HEBP1: variants seen among roughly 807,000 people sequenced by gnomAD.
HEBP1 encodes heme-binding protein 1.
In HEBP1, 13 loss-of-function variants were observed where a neutral mutation model predicts 20.4. That is an observed-to-expected ratio of 0.64 (90% CI 0.42 to 1.01). HEBP1 has a LOEUF of 1.01. Among genes scored for constraint, HEBP1 ranks in the 50% least tolerant of loss-of-function variants. The pLI, the probability that HEBP1 is intolerant of heterozygous loss-of-function variation, is 0.00. For synonymous variants in HEBP1, 92 were observed against 90.7 expected (o/e 1.01, Z -0.08); for missense variants, 241 against 247.3 (o/e 0.97, Z 0.17).
intron 3 of HEBP1, chr12:12,979,543 C>T (rs1325505875): frequency 6.6e-6 from 1 of 152,220 alleles, no homozygotes; most frequent in East Asian, 1.9e-4. Flanking sequence ...CTCATTGGTT[C>T]GTGCCTCAGC....
rs1382351241 is a variant in HEBP1, at chr12:12,986,821, C to T, written c.398+331G>A. The T allele has an allele frequency of 3.0e-5, 6 of 202,800 alleles. No homozygotes were observed. The highest frequency in any genetic ancestry group is 9.3e-5 in the African/African-American group (4 of 43,130). 12.6% of individuals were successfully genotyped at this position (202,800 alleles called of 1,614,324 possible). A position where few individuals can be genotyped will look rare whatever the true frequency, so the allele number is the denominator to read the frequency against. On this transcript the variant is annotated intron_variant, in intron 3 of 3. Transcript: ENST00000014930. The surrounding 1 kb of genome is among the most constrained non-coding windows in gnomAD (Gnocchi z 4.3). The stretch of plus-strand genomic sequence containing the variant: ...GCCCTTTATGCTTCCCATGTGTCCA[C>T]GAATCCAGACCATGGCTTGACTTAA...
intron 1 of HEBP1, among the ~76,000 whole-genome samples, chr12:12,989,962 C>T (rs1300736143): frequency 1.3e-5 from 2 of 152,054 alleles, no homozygotes; most frequent in Non-Finnish European, 2.9e-5. Flanking sequence ...TCTATGGATA[C>T]CAAAATCCAT....
chr12:12,978,540 A>G (rs1353428730), intron 3 of HEBP1, among the ~76,000 whole-genome samples: 1 of 152,050 alleles, frequency 6.6e-6, no homozygotes, highest in Non-Finnish European at 1.5e-5. Context: ...GCACGATCCA[A>G]TTGTGCTTTG....
chr12:12,976,077 C>CAA lies in HEBP1; in HGVS notation c.399-600_399-599dup, dbSNP rs56110606. The stretch of plus-strand genomic sequence containing the variant: ...GCCTGGGCAACACAAGACCCTGTGT[C>CAA]AAAAAAAAAAAAAAAAAAAAAACAA... On this transcript the variant is annotated intron_variant, in intron 3 of 3. Coordinates refer to ENST00000014930, the MANE Select transcript of HEBP1 (RefSeq NM_015987.5). Among the ~76,000 whole-genome samples the CAA allele has an allele frequency of 6.1e-3, 527 of 85,782 alleles. 6 individuals are homozygous for CAA. Among genetic ancestry groups the CAA allele is most frequent in the African/African-American group, 0.011 (210 of 18,388 alleles). 56.3% of individuals were successfully genotyped at this position (85,782 alleles called of 152,430 possible). A position where few individuals can be genotyped will look rare whatever the true frequency, so the allele number is the denominator to read the frequency against.
intron 3 of HEBP1, among the ~76,000 whole-genome samples, chr12:12,978,767 G>A (rs959021000): frequency 1.3e-5 from 2 of 152,092 alleles, no homozygotes; most frequent in African/African-American, 2.4e-5. Flanking sequence ...AGAAGATGCC[G>A]CTAACCAGAA....
chr12:12,997,165 C>T (rs1864300882), intron 1 of HEBP1, among the ~76,000 whole-genome samples: 1 of 152,178 alleles, frequency 6.6e-6, no homozygotes, highest in African/African-American at 2.4e-5. Flanking sequence ...ACCAATATCC[C>T]ATATGGCCCC....
rs537845887 is a variant in HEBP1 at position 12,997,246 on chromosome 12, C to T, written c.78+2791G>A. ...CCTTATCCCAGAGGCCCCAAATTAA[C>T]GGCAAGTGACACTGTATCAATAAGA... On this transcript the variant is annotated intron_variant, in intron 1 of 3. Transcript: ENST00000014930. 5.1e-4 allele frequency among the ~76,000 whole-genome samples: 78 copies of T among 152,228 alleles called. 1 individual carries two copies. The highest frequency in any genetic ancestry group is 3.9e-4 in the East Asian group (2 of 5,182).
intron 1 of HEBP1, among the ~76,000 whole-genome samples, chr12:12,990,828 T>C (rs1361267324): frequency 1.3e-5 from 2 of 152,124 alleles, no homozygotes; most frequent in African/African-American, 4.8e-5. Context: ...CTAAGATCAG[T>C]GCGTGAGATA....
chr12:12,990,116 G>GCGCA (rs1367106811), intron 1 of HEBP1, among the ~76,000 whole-genome samples: 18 of 149,614 alleles, frequency 1.2e-4, no homozygotes, highest in African/African-American at 4.4e-4. Flanking sequence ...TACTCTCTGT[G>GCGCA]CACACACACA....
intron 1 of HEBP1, among the ~76,000 whole-genome samples, chr12:12,997,446 A>G (rs375648702): frequency 1.8e-4 from 27 of 152,220 alleles, no homozygotes; most frequent in African/African-American, 6.3e-4. Context: ...ACCTAAGTTC[A>G]GATACCTAGG....
rs1863959602 is a variant in HEBP1 at position 12,975,110 on chromosome 12, G to A, written c.*198C>T. On this transcript the variant is annotated 3_prime_UTR_variant, in exon 4 of 4. Coordinates refer to ENST00000014930, the MANE Select transcript of HEBP1 (RefSeq NM_015987.5). ...GAGAAGGATGCTGCATATCTTGGCT[G>A]TATTATTTCCTACTGTGAGAAAAGA... 9.7e-6 allele frequency: 5 copies of A among 515,874 alleles called. No homozygotes were observed. Among genetic ancestry groups the A allele is most frequent in the Non-Finnish European group, 1.7e-5 (5 of 293,124 alleles). 32.0% of individuals were successfully genotyped at this position (515,874 alleles called of 1,614,324 possible).
chr12:12,977,089 C>G (rs850949), intron 3 of HEBP1, among the ~76,000 whole-genome samples: 124,474 of 152,140 alleles, frequency 0.82, 51,618 homozygotes, highest in East Asian at 0.98. Context: ...CAAAGGAGTG[C>G]TCCTCAAATG....
At chr12:12,991,437 T>C (rs150206946) in intron 1 of HEBP1, among the ~76,000 whole-genome samples, 52 of 152,312 alleles carry the variant, frequency 3.4e-4, no homozygotes, top group African/African-American at 1.2e-3. Flanking sequence ...CTCCACTGTC[T>C]CTTTTCACAC....
intron 3 of HEBP1, chr12:12,979,049 A>T (rs1174221259): frequency 6.6e-6 from 1 of 152,180 alleles, no homozygotes; most frequent in Non-Finnish European, 1.5e-5. Context: ...TCATGGTAAG[A>T]AGTGACATGT....
At position 12,987,267 on chromosome 12, in the gene HEBP1, G is replaced by T; in HGVS notation, c.283C>A (p.Gln95Lys). The T allele has an allele frequency of 6.2e-7, 1 of 1,614,056 alleles. No individual in the cohort carries two copies. The highest frequency in any genetic ancestry group is 8.5e-7 in the Non-Finnish European group (1 of 1,179,982). ...AVFPNEDGSL[Q>K]KKLKVWFRIP... Reference sequence around the variant, plus strand: ...CGGAACCAGACTTTTAATTTCTTCTGCAGAGAGCCATCTTCATTGGGGAAC... The same window carrying T: ...CGGAACCAGACTTTTAATTTCTTCTTCAGAGAGCCATCTTCATTGGGGAAC... The change falls in exon 3 of 4, where the codon CAG becomes AAG. Residue 95 changes from glutamine to lysine, a missense_variant. Physicochemically the swap from Gln to Lys is moderately conservative, Grantham distance 53 (BLOSUM62 1). Transcript: ENST00000014930.
At chr12:12,978,199 GTTTTTTTTTTTTTTT>G (rs76634642) in intron 3 of HEBP1, among the ~76,000 whole-genome samples, 3 of 75,056 alleles carry the variant, frequency 4.0e-5, no homozygotes, top group African/African-American at 5.5e-5. Flanking sequence ...CTACGAAAGG[GTTTTTTTTTTTTTTT>G]TTTTTTTTTT....
intron 3 of HEBP1, among the ~76,000 whole-genome samples, chr12:12,982,712 A>G (rs1052485769): frequency 1.3e-5 from 2 of 152,206 alleles, no homozygotes; most frequent in South Asian, 4.1e-4. Context: ...AGGCTCAGAA[A>G]GATTAAACAA....
intron 3 of HEBP1, among the ~76,000 whole-genome samples, chr12:12,976,044 C>G (rs1419012804): frequency 6.6e-5 from 9 of 137,040 alleles, no homozygotes; most frequent in Non-Finnish European, 1.4e-4. Flanking sequence ...AAAAACAGAG[C>G]TAGGCTAGCC....
At chr12:12,991,537 C>T (rs2136548457) in intron 1 of HEBP1, among the ~76,000 whole-genome samples, 1 of 152,272 alleles carries the variant, frequency 6.6e-6, no homozygotes, top group East Asian at 1.9e-4. Context: ...CATTATGGAC[C>T]CCCACAGCTC....
Sources: allele counts gnomAD v4.1 joint callset (sites outside exome capture counted in the v4.1 genomes callset), GRCh38; gene constraint gnomAD v4.1.1; non-coding constraint Gnocchi (gnomAD v3.1); transcripts MANE v1.5; gene names NCBI Gene and HGNC (gene_info 2026-07-23, HGNC 2026-07-21).